The following TAFA2 variants were observed in gnomAD, a reference collection of about 807,000 sequenced individuals.
The protein encoded by TAFA2 is TAFA chemokine like family member 2, also known as chemokine-like protein TAFA-2.
A neutral mutation model predicts 18.8 loss-of-function variants in TAFA2; 7 were observed. The observed-to-expected ratio is 0.37, with a 90% CI of 0.21 to 0.70. The LOEUF (loss-of-function observed/expected upper bound fraction) is 0.70. Ranked by LOEUF, TAFA2 falls within the 30% of genes least tolerant of loss-of-function variation. The pLI, the probability that TAFA2 is intolerant of heterozygous loss-of-function variation, is 0.53. For missense variants in TAFA2, 122 were observed against 158.1 expected (o/e 0.77, Z 1.23); for synonymous variants, 60 against 54.2 (o/e 1.11, Z -0.47).
At chr12:61,860,679 T>C (rs1351919012) in intron 2 of TAFA2, among the ~76,000 whole-genome samples, 1 of 152,182 alleles carries the variant, frequency 6.6e-6, no homozygotes, top group Non-Finnish European at 1.5e-5. Flanking sequence ...CATGTCTCAG[T>C]AGCTTGGCAT....
chr12:62,092,569 T>C (rs1003071276), intron 1 of TAFA2, among the ~76,000 whole-genome samples: 1 of 151,960 alleles, frequency 6.6e-6, no homozygotes, highest in Non-Finnish European at 1.5e-5. Context: ...ACCAAACTCA[T>C]CTGGTTTTCC....
intron 1 of TAFA2, among the ~76,000 whole-genome samples, chr12:62,036,596 T>C (rs1881618609): frequency 6.6e-6 from 1 of 152,242 alleles, no homozygotes; most frequent in African/African-American, 2.4e-5. Context: ...AATTGCTAAA[T>C]AAAACCTTTG....
At chr12:62,091,797 A>T (rs1468254596) in intron 1 of TAFA2, among the ~76,000 whole-genome samples, 1 of 152,004 alleles carries the variant, frequency 6.6e-6, no homozygotes, top group Non-Finnish European at 1.5e-5. Context: ...CTGTTTCATA[A>T]CTGTCTCATA....
At chr12:61,748,507 C>T (rs1361502633) in intron 4 of TAFA2, among the ~76,000 whole-genome samples, 2 of 152,082 alleles carry the variant, frequency 1.3e-5, no homozygotes, top group East Asian at 1.9e-4. Flanking sequence ...ACACGAATTG[C>T]ACCACCTTAA....
intron 4 of TAFA2, among the ~76,000 whole-genome samples, chr12:61,720,340 C>T (rs1168942254): frequency 1.3e-5 from 2 of 152,128 alleles, no homozygotes; most frequent in Non-Finnish European, 2.9e-5. Flanking sequence ...TGAACACTAA[C>T]AGAAGTCCAA....
intron 1 of TAFA2, among the ~76,000 whole-genome samples, chr12:61,952,693 G>A (rs1331004101): frequency 6.6e-6 from 1 of 151,844 alleles, no homozygotes; most frequent in Non-Finnish European, 1.5e-5. Context: ...TTTTCCAATT[G>A]GTTAATCTTT....
chr12:62,189,619 T>G (rs1371003019), intron 1 of TAFA2, among the ~76,000 whole-genome samples: 2 of 152,202 alleles, frequency 1.3e-5, no homozygotes, highest in Non-Finnish European at 2.9e-5. Flanking sequence ...TAAGTACAAA[T>G]AATCTTAATC....
chr12:62,250,643 C>T (rs980036953), intron 1 of TAFA2, among the ~76,000 whole-genome samples: 1 of 151,984 alleles, frequency 6.6e-6, no homozygotes, highest in African/African-American at 2.4e-5. Context: ...TATTCTGGAA[C>T]TCCTATTAAA....
intron 2 of TAFA2, among the ~76,000 whole-genome samples, chr12:61,816,928 T>TTA (rs1016551717): frequency 6.6e-6 from 1 of 151,314 alleles, no homozygotes; most frequent in Non-Finnish European, 1.5e-5. Flanking sequence ...AGCCAGATTA[T>TTA]TATATATATT....
At chr12:61,848,504 T>G (rs1161143622) in intron 2 of TAFA2, among the ~76,000 whole-genome samples, 1 of 152,172 alleles carries the variant, frequency 6.6e-6, no homozygotes, top group African/African-American at 2.4e-5. Flanking sequence ...TGGTACATTA[T>G]TATTGCAGTT....
At chr12:62,229,898 G>A (rs904730822) in intron 1 of TAFA2, among the ~76,000 whole-genome samples, 1 of 151,644 alleles carries the variant, frequency 6.6e-6, no homozygotes, top group Admixed American at 6.6e-5. Flanking sequence ...TTATTGCTTT[G>A]ATTTCATTAT....
intron 1 of TAFA2, among the ~76,000 whole-genome samples, chr12:61,996,068 C>T (rs1044471564): frequency 1.3e-5 from 2 of 151,626 alleles, no homozygotes; most frequent in South Asian, 2.1e-4. Flanking sequence ...TAGTAGCACA[C>T]ATTTTATTTG....
intron 1 of TAFA2, among the ~76,000 whole-genome samples, chr12:61,941,373 G>A (rs527657484): frequency 2.4e-4 from 37 of 152,206 alleles, no homozygotes; most frequent in African/African-American, 7.5e-4. Context: ...AACTTTATTC[G>A]AAAGTACTGG....
chr12:61,770,118 A>C (rs574560052), intron 2 of TAFA2, among the ~76,000 whole-genome samples: 2 of 152,220 alleles, frequency 1.3e-5, no homozygotes, highest in South Asian at 2.1e-4. Context: ...TCAGCAATAG[A>C]ATTGAAGAAG....
chr12:62,054,141 A>G (rs1013947425), intron 1 of TAFA2, among the ~76,000 whole-genome samples: 1 of 152,210 alleles, frequency 6.6e-6, no homozygotes, highest in African/African-American at 2.4e-5. Context: ...CAGGCAGGAT[A>G]CTAAAGCAAT....
At chr12:62,002,330 T>C (rs1034122355) in intron 1 of TAFA2, among the ~76,000 whole-genome samples, 2 of 152,192 alleles carry the variant, frequency 1.3e-5, no homozygotes, top group African/African-American at 2.4e-5. Flanking sequence ...ATAGCCCCCA[T>C]GTAACCTCAG....
intron 1 of TAFA2, among the ~76,000 whole-genome samples, chr12:62,228,115 A>T (rs1050842616): frequency 1.3e-5 from 2 of 151,990 alleles, no homozygotes; most frequent in African/African-American, 4.8e-5. Context: ...TTAATTTTTA[A>T]TTTTTTTATC....
At chr12:61,927,600 A>G (rs193228529) in intron 1 of TAFA2, among the ~76,000 whole-genome samples, 208 of 152,360 alleles carry the variant, frequency 1.4e-3, no homozygotes, top group Non-Finnish European at 2.5e-3. Context: ...AGTAATTTAC[A>G]GATTCAATGC....
chr12:62,162,231 C>T (rs566942854), intron 1 of TAFA2, among the ~76,000 whole-genome samples: 4 of 152,276 alleles, frequency 2.6e-5, no homozygotes, highest in South Asian at 2.1e-4. Flanking sequence ...GCAAGCATCT[C>T]GCTCTACATT....
Sources: allele counts gnomAD v4.1 joint callset (sites outside exome capture counted in the v4.1 genomes callset), GRCh38; gene constraint gnomAD v4.1.1; transcripts MANE v1.5; gene names NCBI Gene and HGNC (gene_info 2026-07-23, HGNC 2026-07-21).